The following USP32 variants were observed in gnomAD, a reference collection of about 807,000 sequenced individuals.
USP32 encodes the protein ubiquitin carboxyl-terminal hydrolase 32.
In USP32, 59 loss-of-function variants were observed where a neutral mutation model predicts 204.8. The ratio of observed to expected loss-of-function variants is 0.29; its 90% CI spans 0.23 to 0.36. The LOEUF is 0.36. Ranked by LOEUF, USP32 falls within the 10% of genes least tolerant of loss-of-function variation. The pLI is 1.00. For synonymous variants in USP32, 517 were observed against 678.4 expected (o/e 0.76, Z 3.70); for missense variants, 1,160 against 1,946.4 (o/e 0.60, Z 7.60).
intron 29 of USP32, among the ~76,000 whole-genome samples, chr17:60,188,634 AGTT>A (rs2084305314): frequency 6.6e-6 from 1 of 152,216 alleles, no homozygotes; most frequent in Non-Finnish European, 1.5e-5. Context: ...GACAAATATA[AGTT>A]GTTAATAACT....
chr17:60,395,900 A>G (rs2089896937), upstream of USP32, among the ~76,000 whole-genome samples: 2 of 152,120 alleles, frequency 1.3e-5, no homozygotes, highest in Non-Finnish European at 2.9e-5. Flanking sequence ...GGTCAATACA[A>G]TAGAAGTGGA....
Position 60,178,274 on chromosome 17 carries a change from T to C in USP32, c.*981A>G, listed in dbSNP as rs572051367. On this transcript the variant is annotated 3_prime_UTR_variant, in exon 34 of 34. Coordinates refer to ENST00000300896, the MANE Select transcript of USP32 (RefSeq NM_032582.4). ...CAAGTTCATTTGCATGTGTTCTCTCTTTTTTAAAGTGCAAGACAAACACAG... is the reference window on the plus strand; with the variant it reads ...CAAGTTCATTTGCATGTGTTCTCTCCTTTTTAAAGTGCAAGACAAACACAG... 6.6e-6 allele frequency among the ~76,000 whole-genome samples: 1 copy of C among 152,324 alleles called. No individual in the cohort carries two copies. Among genetic ancestry groups the C allele is most frequent in the Admixed American group, 6.5e-5 (1 of 15,296 alleles).
At chr17:60,288,393 T>C (rs1268400678) in intron 5 of USP32, 130 bp downstream of exon 5, 1 of 1,111,562 alleles carries the variant, frequency 9.0e-7, no homozygotes. Context: ...TAAGCCACGA[T>C]GGTGCCACTG....
At chr17:60,235,867 T>G (rs996054580) in intron 12 of USP32, among the ~76,000 whole-genome samples, 1 of 152,160 alleles carries the variant, frequency 6.6e-6, no homozygotes, top group African/African-American at 2.4e-5. Context: ...ATAAATGAGA[T>G]GTGATGTATG....
At chr17:60,230,898 T>G (rs1014154540) in intron 12 of USP32, among the ~76,000 whole-genome samples, 4 of 152,216 alleles carry the variant, frequency 2.6e-5, no homozygotes, top group African/African-American at 9.7e-5. Context: ...GACTGTTCAT[T>G]TCTGGCTGCT....
intron 22 of USP32, 87 bp from the exon 23 acceptor site, chr17:60,208,915 T>C: frequency 7.3e-7 from 1 of 1,367,722 alleles, no homozygotes; most frequent in South Asian, 1.7e-5. Flanking sequence ...TTAAATATAT[T>C]GGATTTAAAT....
chr17:60,343,021 C>T (rs1310867533), intron 2 of USP32, among the ~76,000 whole-genome samples: 1 of 152,194 alleles, frequency 6.6e-6, no homozygotes, highest in Admixed American at 6.5e-5. Context: ...ACGCTGGGAG[C>T]TGCAGACCAG....
chr17:60,323,536 G>A (rs1169754328), intron 2 of USP32, among the ~76,000 whole-genome samples: 2 of 152,152 alleles, frequency 1.3e-5, no homozygotes, highest in African/African-American at 4.8e-5. Context: ...CTGTGGTAAT[G>A]GGTACACAAC....
upstream of USP32, among the ~76,000 whole-genome samples, chr17:60,393,644 T>C (rs1291267836): frequency 6.6e-6 from 1 of 152,034 alleles, no homozygotes; most frequent in Non-Finnish European, 1.5e-5. Context: ...CAACAGATTC[T>C]AATATACCCT....
chr17:60,300,317 T>C (rs1171739238), intron 3 of USP32, among the ~76,000 whole-genome samples: 1 of 152,162 alleles, frequency 6.6e-6, no homozygotes, highest in Non-Finnish European at 1.5e-5. Flanking sequence ...CAGAAGACCT[T>C]ATAAATAATT....
At chr17:60,324,530 A>T (rs975664636) in intron 2 of USP32, among the ~76,000 whole-genome samples, 1 of 152,078 alleles carries the variant, frequency 6.6e-6, no homozygotes, top group Non-Finnish European at 1.5e-5. Flanking sequence ...ATGGTAATTA[A>T]CAACATGTAA....
At position 60,223,571 on chromosome 17, in the gene USP32, G is replaced by A; in HGVS notation, c.1448C>T (p.Ala483Val). 2.5e-6 allele frequency: 4 copies of A among 1,593,508 alleles called. No homozygotes were observed. The highest frequency in any genetic ancestry group is 3.4e-6 in the Non-Finnish European group (4 of 1,174,946). ...AAAGCAAACATCTGCCCCTGGTGTG[G>A]CAGAATACAGAAAGCCTATAAAAAA... is the stretch of plus-strand genomic sequence containing the variant. ...ETAGSGFLYS[A>V]TPGADVCFAR... The change falls in exon 14 of 34, where the codon GCC becomes GTC. Residue 483 changes from alanine (A) to valine (V), a missense_variant. Transcript: ENST00000300896.
chr17:60,197,815 AAAAAG>A (rs1423189499), intron 27 of USP32, among the ~76,000 whole-genome samples: 1 of 152,208 alleles, frequency 6.6e-6, no homozygotes, highest in Non-Finnish European at 1.5e-5. Context: ...ATGGTAAGGG[AAAAAG>A]AAAAAAGAAT....
chr17:60,290,845 T>A (rs1369476579), intron 4 of USP32, among the ~76,000 whole-genome samples: 1 of 152,028 alleles, frequency 6.6e-6, no homozygotes, highest in Non-Finnish European at 1.5e-5. Flanking sequence ...GGTCAATGAT[T>A]TAATCAATCA....
In USP32 at chr17:60,254,601, C is replaced by T. The variant is rs7208503; in HGVS notation, c.1074+574G>A. Among the ~76,000 whole-genome samples, 114 of 152,074 alleles carry T rather than the reference C, an allele frequency of 7.5e-4. 2 individuals are homozygous for T. In the South Asian group the frequency reaches 0.021, roughly 28 times the overall value. Reference sequence around the variant, plus strand: ...ATAGTCCCAGCTACTTGGGAGGCTGCGGAAGGAGAATGACCTGAGTCTGCG... The same window carrying T: ...ATAGTCCCAGCTACTTGGGAGGCTGTGGAAGGAGAATGACCTGAGTCTGCG... On this transcript the variant is annotated intron_variant, in intron 10 of 33. Transcript: ENST00000300896.
intron 1 of USP32, among the ~76,000 whole-genome samples, chr17:60,383,067 G>A (rs1394716326): frequency 6.6e-6 from 1 of 151,938 alleles, no homozygotes; most frequent in Admixed American, 6.6e-5. Context: ...CCAACATGCT[G>A]AAACCCCGTC....
intron 9 of USP32, among the ~76,000 whole-genome samples, chr17:60,255,847 A>C (rs2086288987): frequency 6.6e-6 from 1 of 152,250 alleles, no homozygotes; most frequent in Non-Finnish European, 1.5e-5. Flanking sequence ...TTAGGTAACT[A>C]AATCAACAAA....
chr17:60,197,738 G>A (rs1412807585), intron 27 of USP32, among the ~76,000 whole-genome samples: 1 of 152,044 alleles, frequency 6.6e-6, no homozygotes, highest in Non-Finnish European at 1.5e-5. Context: ...TAGGAAAAAG[G>A]GAAAGAAAAC....
intron 1 of USP32, among the ~76,000 whole-genome samples, chr17:60,380,703 AG>A (rs1229042446): frequency 6.6e-6 from 1 of 152,226 alleles, no homozygotes; most frequent in Non-Finnish European, 1.5e-5. Flanking sequence ...GGAGAAAAAA[AG>A]CTCCTAAAAT....
Sources: allele counts gnomAD v4.1 joint callset (sites outside exome capture counted in the v4.1 genomes callset), GRCh38; gene constraint gnomAD v4.1.1; transcripts MANE v1.5; gene names NCBI Gene and HGNC (gene_info 2026-07-23, HGNC 2026-07-21).